The following KIF26B variants were observed in gnomAD, a reference collection of about 807,000 sequenced individuals.
KIF26B encodes the protein kinesin family member 26B.
KIF26B carries 63 observed loss-of-function variants against 151.2 expected under a neutral mutation model. The ratio of observed to expected loss-of-function variants is 0.42; its 90% confidence interval spans 0.34 to 0.51. KIF26B has a LOEUF of 0.51. Ranked by LOEUF, KIF26B falls within the 20% of genes least tolerant of loss-of-function variation. The pLI is 0.07. For missense variants in KIF26B, 2,813 were observed against 2,913.6 expected (o/e 0.97, Z 0.79); for synonymous variants, 1,357 against 1,262.1 (o/e 1.08, Z -1.59).
intron 4 of KIF26B, among the ~76,000 whole-genome samples, chr1:245,439,368 A>AAG (rs1237370401): frequency 2.0e-5 from 3 of 151,980 alleles, no homozygotes; most frequent in Non-Finnish European, 4.4e-5. Context: ...AAAAAAGAAA[A>AAG]AAGAAAGGTA....
intron 2 of KIF26B, among the ~76,000 whole-genome samples, chr1:245,248,964 G>T (rs2103564019): frequency 6.8e-6 from 1 of 148,098 alleles, no homozygotes; most frequent in African/African-American, 2.5e-5. Flanking sequence ...CCTGCAGGTT[G>T]CCTTTTTAGA....
intron 4 of KIF26B, among the ~76,000 whole-genome samples, chr1:245,472,611 A>T (rs1350894613): frequency 6.6e-6 from 1 of 152,212 alleles, no homozygotes; most frequent in Admixed American, 6.5e-5. Flanking sequence ...CGGTATGCTA[A>T]CAATAGTGAT....
At chr1:245,439,578 G>A (rs1257120662) in intron 4 of KIF26B, among the ~76,000 whole-genome samples, 1 of 152,074 alleles carries the variant, frequency 6.6e-6, no homozygotes, top group Non-Finnish European at 1.5e-5. Context: ...AGTACCACGG[G>A]AAATCTCCAA....
intron 5 of KIF26B, among the ~76,000 whole-genome samples, chr1:245,568,184 C>CAAAAAAAAAAAAAAA (rs61494632): frequency 3.5e-5 from 1 of 28,674 alleles, no homozygotes; most frequent in African/African-American, 1.3e-4. Flanking sequence ...AACTCCATCT[C>CAAAAAAAAAAAAAAA]AAAAAAAAAA....
chr1:245,610,677 A>C (rs2043511522), intron 8 of KIF26B, among the ~76,000 whole-genome samples: 1 of 152,250 alleles, frequency 6.6e-6, no homozygotes, highest in South Asian at 2.1e-4. Flanking sequence ...ATGAAATTCC[A>C]CTAAGGGGTG....
intron 10 of KIF26B, among the ~76,000 whole-genome samples, chr1:245,672,768 A>C (rs1463367671): frequency 6.6e-6 from 1 of 152,178 alleles, no homozygotes; most frequent in East Asian, 1.9e-4. Flanking sequence ...ACCTTTACCT[A>C]GTCCTATTTA....
intron 3 of KIF26B, among the ~76,000 whole-genome samples, chr1:245,402,043 A>T (rs953817004): frequency 6.6e-6 from 1 of 152,156 alleles, no homozygotes; most frequent in Non-Finnish European, 1.5e-5. Flanking sequence ...GGTAAGGAGG[A>T]TTGAGGCTCC....
At chr1:245,649,230 C>A (rs1030563062) in intron 10 of KIF26B, among the ~76,000 whole-genome samples, 1 of 152,232 alleles carries the variant, frequency 6.6e-6, no homozygotes, top group Admixed American at 6.5e-5. Context: ...GATTCATCAA[C>A]TAGAAACTGT....
chr1:245,451,766 A>C (rs1395070839), intron 4 of KIF26B, among the ~76,000 whole-genome samples: 1 of 151,614 alleles, frequency 6.6e-6, no homozygotes, highest in African/African-American at 2.4e-5. Context: ...TGACCAGCTA[A>C]TTTTTGTATT....
At chr1:245,680,880 C>T (rs1375555212) in intron 10 of KIF26B, among the ~76,000 whole-genome samples, 2 of 152,190 alleles carry the variant, frequency 1.3e-5, no homozygotes, top group Non-Finnish European at 2.9e-5. Context: ...GCTCTCATAT[C>T]GTGCACATGT....
chr1:245,399,164 C>T lies in KIF26B; in HGVS notation c.1000-20415C>T, dbSNP rs911543706. Among the ~76,000 whole-genome samples the T allele has an allele frequency of 2.0e-5, 3 of 152,172 alleles. No homozygotes were observed. In the East Asian group the frequency reaches 5.8e-4, roughly 29 times the overall value. ...CAGATTGCATTTCGTTGTCGTGTCT[C>T]TTTTTGAGGGTCTTTTAACTGTACC... On this transcript the variant is annotated intron_variant, in intron 3 of 14. Transcript: ENST00000407071.
chr1:245,486,522 T>G (rs1466911778), intron 4 of KIF26B, among the ~76,000 whole-genome samples: 1 of 152,208 alleles, frequency 6.6e-6, no homozygotes, highest in Non-Finnish European at 1.5e-5. Context: ...CAGTAGTTAT[T>G]ATAGAGCTTT....
chr1:245,485,062 C>G (rs1320668088), intron 4 of KIF26B, among the ~76,000 whole-genome samples: 1 of 152,130 alleles, frequency 6.6e-6, no homozygotes, highest in East Asian at 1.9e-4. Context: ...GTCATTCTGA[C>G]ACATGCTACA....
At chr1:245,184,823 G>T in intron 2 of KIF26B, among the ~76,000 whole-genome samples, 1 of 152,204 alleles carries the variant, frequency 6.6e-6, no homozygotes, top group Non-Finnish European at 1.5e-5. Context: ...TGTTTTTGGC[G>T]AGTGTGGCTG....
chr1:245,301,078 G>A (rs1399001530), intron 2 of KIF26B, among the ~76,000 whole-genome samples: 2 of 152,126 alleles, frequency 1.3e-5, no homozygotes, highest in African/African-American at 4.8e-5. Flanking sequence ...TGATCCACCC[G>A]CCTCGGCCTC....
chr1:245,405,430 A>C (rs762996897), intron 3 of KIF26B, among the ~76,000 whole-genome samples: 11 of 152,174 alleles, frequency 7.2e-5, no homozygotes, highest in Non-Finnish European at 1.0e-4. Flanking sequence ...GAGTGTTTTT[A>C]GTTAATATTC....
At chr1:245,439,264 T>C (rs953340202) in intron 4 of KIF26B, among the ~76,000 whole-genome samples, 2 of 150,090 alleles carry the variant, frequency 1.3e-5, no homozygotes, top group Non-Finnish European at 3.0e-5. Context: ...GGAGGATTGA[T>C]TGAGCCCAGG....
intron 4 of KIF26B, among the ~76,000 whole-genome samples, chr1:245,466,931 C>T (rs902794666): frequency 1.4e-4 from 21 of 152,184 alleles, no homozygotes; most frequent in Non-Finnish European, 1.0e-4. Flanking sequence ...AAAAGAAAGA[C>T]AAACCAACAA....
intron 4 of KIF26B, among the ~76,000 whole-genome samples, chr1:245,509,051 A>G (rs1239549595): frequency 6.6e-6 from 1 of 152,224 alleles, no homozygotes; most frequent in Non-Finnish European, 1.5e-5. Flanking sequence ...TAGTAGAGCA[A>G]ACGTCTATAT....
Sources: allele counts gnomAD v4.1 joint callset (sites outside exome capture counted in the v4.1 genomes callset), GRCh38; gene constraint gnomAD v4.1.1; transcripts MANE v1.5; gene names NCBI Gene and HGNC (gene_info 2026-07-23, HGNC 2026-07-21).